The following RYR2 variants were observed in gnomAD, a reference collection of about 807,000 sequenced individuals.
RYR2 encodes the protein ryanodine receptor 2, also known as cardiac muscle ryanodine receptor-calcium release channel.
Under a neutral mutation model 601.1 loss-of-function variants are expected in RYR2, and 227 were observed. That is an observed-to-expected ratio of 0.38 (90% CI 0.34 to 0.42). The LOEUF (loss-of-function observed/expected upper bound fraction) is 0.42. RYR2 is among the 10% of genes least tolerant of loss of function. The probability of loss-of-function intolerance (pLI) is 1.00; values close to 1 mark genes in which losing one functional copy is unlikely to be tolerated. For synonymous variants in RYR2, 2,223 were observed against 2,175.1 expected, an observed-to-expected ratio of 1.02 and a Z score of -0.61; for missense variants, 4,646 against 6,156.5, an observed-to-expected ratio of 0.75 and a Z score of 8.21.
intron 1 of RYR2, among the ~76,000 whole-genome samples, chr1:237,081,370 G>C (rs1665625227): frequency 6.6e-6 from 1 of 151,372 alleles, no homozygotes; most frequent in Non-Finnish European, 1.5e-5. Context: ...AGGATCCACA[G>C]GTTTGTGCCC....
At chr1:237,781,766 G>T in intron 89 of RYR2, 120 bp downstream of exon 89, 1 of 459,874 alleles carries the variant, frequency 2.2e-6, no homozygotes, top group South Asian at 5.9e-5. Flanking sequence ...AGATGCCTTG[G>T]ATTTCTTGCT....
At chr1:237,645,954 G>A (rs1682093330) in intron 48 of RYR2, among the ~76,000 whole-genome samples, 1 of 149,238 alleles carries the variant, frequency 6.7e-6, no homozygotes, top group Admixed American at 6.7e-5. Flanking sequence ...TTGGCTCACT[G>A]CAAGCTCCGC....
At chr1:237,782,483 G>A (rs554222852) in intron 89 of RYR2, among the ~76,000 whole-genome samples, 1 of 152,176 alleles carries the variant, frequency 6.6e-6, no homozygotes, top group South Asian at 2.1e-4. Context: ...CATACATGGC[G>A]TAACTCCACT....
intron 60 of RYR2, among the ~76,000 whole-genome samples, chr1:237,676,141 A>G (rs1040120642): frequency 1.3e-5 from 2 of 152,180 alleles, no homozygotes; most frequent in Non-Finnish European, 1.5e-5. Flanking sequence ...AGGATCCGAT[A>G]TGCGTAGCAA....
intron 62 of RYR2, among the ~76,000 whole-genome samples, chr1:237,686,283 G>A (rs535406339): frequency 6.6e-6 from 1 of 152,288 alleles, no homozygotes; most frequent in East Asian, 1.9e-4. Flanking sequence ...TGCTGGCTGG[G>A]TAGAGCCTGT....
intron 42 of RYR2, among the ~76,000 whole-genome samples, chr1:237,633,143 G>A (rs566411365): frequency 1.3e-5 from 2 of 152,014 alleles, no homozygotes; most frequent in Non-Finnish European, 2.9e-5. Context: ...TATGTGCCAC[G>A]TACTGAACTA....
intron 2 of RYR2, among the ~76,000 whole-genome samples, chr1:237,319,602 G>T (rs1244651028): frequency 6.6e-6 from 1 of 152,126 alleles, no homozygotes; most frequent in Non-Finnish European, 1.5e-5. Flanking sequence ...GCTTTCTAGA[G>T]ACTTTGCTAT....
rs78842336 is a variant in RYR2 at position 237,498,376 on chromosome 1, A to G, written c.2203+1624A>G. Among the ~76,000 whole-genome samples the G allele has an allele frequency of 4.1e-3, 628 of 152,232 alleles. 17 individuals carry two copies. The East Asian group carries it at 0.11, about 26-fold the overall frequency. On this transcript the variant is annotated intron_variant, in intron 20 of 104. Coordinates refer to ENST00000366574, the MANE Select transcript of RYR2 (RefSeq NM_001035.3). ...AAATTGTCCTGCTGACCAAGCAGAG[A>G]GAAAGAGCCCTAACTTCAGAAGACC...
chr1:237,614,322 G>C lies in RYR2; in HGVS notation c.5194G>C (p.Glu1732Gln). 1 of 1,614,040 alleles carries C rather than the reference G, an allele frequency of 6.2e-7. No individual in the cohort carries two copies. The change falls in exon 37 of 105, where the codon GAG becomes CAG. Residue 1732 changes from glutamate (E) to glutamine (Q), a missense_variant. This residue lies in a region of RYR2 where 1,807 missense variants were observed against 2,088.1 expected (regional missense o/e 0.87). Transcript: ENST00000366574. The surrounding 1 kb of genome is among the most constrained non-coding windows in gnomAD (Gnocchi z 4.3). ...NNEYIVPMTE[E>Q]TKSITLFPDE... ...CGAGTACATTGTCCCCATGACGGAG[G>C]AGACGAAGAGCATCACCCTGTTCCC...
intron 14 of RYR2, among the ~76,000 whole-genome samples, chr1:237,454,151 C>T (rs1395889484): frequency 6.6e-6 from 1 of 152,100 alleles, no homozygotes; most frequent in Admixed American, 6.6e-5. Flanking sequence ...GTTCCTGTAG[C>T]CTATGAGGTT....
intron 35 of RYR2, among the ~76,000 whole-genome samples, chr1:237,604,088 G>A (rs1347269290): frequency 6.6e-6 from 1 of 152,114 alleles, no homozygotes; most frequent in Non-Finnish European, 1.5e-5. Context: ...GACATCTACA[G>A]AACTCTCCAC....
intron 25 of RYR2, among the ~76,000 whole-genome samples, chr1:237,531,821 A>C (rs555519630): frequency 6.6e-6 from 1 of 152,200 alleles, no homozygotes; most frequent in Non-Finnish European, 1.5e-5. Flanking sequence ...ACACTTTTTC[A>C]TCAACTTTGA....
At chr1:237,804,894 G>A (rs191422038) in intron 98 of RYR2, among the ~76,000 whole-genome samples, 44 of 152,358 alleles carry the variant, frequency 2.9e-4, no homozygotes, top group African/African-American at 9.6e-4. Context: ...TTTGTTGGCT[G>A]TAGAGCAAGG....
intron 25 of RYR2, among the ~76,000 whole-genome samples, chr1:237,547,759 C>T (rs995148051): frequency 1.3e-5 from 2 of 152,146 alleles, no homozygotes; most frequent in African/African-American, 2.4e-5. Context: ...TGTTTTATTA[C>T]GATAATACCT....
Position 237,649,938 on chromosome 1 carries a change from T to C in RYR2, c.7574T>C (p.Leu2525Ser), listed in dbSNP as rs773886386. ...ALNRYLCTAV[L>S]PLLTRCAPLF... ...AATCGGTACCTTTGCACAGCCGTCT[T>C]GCCATTGTTAACAAGATGTGCTCCT... The change falls in exon 50 of 105, where the codon TTG (leucine) becomes TCG (serine). Residue 2525 changes from leucine to serine, a missense_variant. By Grantham distance (145) the Leu-to-Ser change is moderately radical. Transcript: ENST00000366574. 1 of 1,613,940 alleles carries C rather than the reference T, an allele frequency of 6.2e-7. No homozygotes were observed. Among genetic ancestry groups the C allele is most frequent in the Non-Finnish European group, 8.5e-7 (1 of 1,179,890 alleles).
At chr1:237,778,236 C>T (rs1694816879) in intron 87 of RYR2, among the ~76,000 whole-genome samples, 1 of 151,958 alleles carries the variant, frequency 6.6e-6, no homozygotes, top group African/African-American at 2.4e-5. Context: ...AATGCTTTAT[C>T]CAGGTTACTA....
At chr1:237,315,692 G>A (rs1695037888) in intron 2 of RYR2, among the ~76,000 whole-genome samples, 1 of 152,156 alleles carries the variant, frequency 6.6e-6, no homozygotes, top group African/African-American at 2.4e-5. Context: ...CCATAAATAT[G>A]TGTAATACAA....
chr1:237,044,785 C>CT lies in RYR2; in HGVS notation c.48+2224dup, dbSNP rs373864494. ...CTCCATCCTTCCCTCCCCCACCCCC[C>CT]TTTTTTTTCTCTTAACCTGAGAATG... On this transcript the variant is annotated intron_variant, in intron 1 of 104. Transcript: ENST00000366574. Among the ~76,000 whole-genome samples, 3 of 148,484 alleles carry CT rather than the reference C, an allele frequency of 2.0e-5. No homozygotes were observed. In the South Asian group the frequency reaches 6.5e-4, roughly 32 times the overall value.
At chr1:237,621,545 A>T (rs1265158367) in intron 38 of RYR2, among the ~76,000 whole-genome samples, 3 of 152,166 alleles carry the variant, frequency 2.0e-5, no homozygotes, top group African/African-American at 7.2e-5. Context: ...CAAATTACCC[A>T]TACCAGGAAT....
Sources: allele counts gnomAD v4.1 joint callset (sites outside exome capture counted in the v4.1 genomes callset), GRCh38; gene constraint gnomAD v4.1.1; regional missense constraint gnomAD v4.1.1; non-coding constraint Gnocchi (gnomAD v3.1); transcripts MANE v1.5; gene names NCBI Gene and HGNC (gene_info 2026-07-23, HGNC 2026-07-21).